USP7: variants seen among roughly 807,000 people sequenced by gnomAD.
The protein encoded by USP7 is ubiquitin C-terminal hydrolase 7.
In USP7, 9 loss-of-function variants were observed where a neutral mutation model predicts 162.9. That is an observed-to-expected ratio of 0.06 (90% confidence interval 0.03 to 0.10). USP7 has a LOEUF of 0.10. Ranked by LOEUF, USP7 falls within the 10% of genes least tolerant of loss-of-function variation. The pLI is 1.00. For missense variants in USP7, 715 were observed against 1,373.7 expected, an observed-to-expected ratio of 0.52 and a Z score of 7.58; for synonymous variants, 562 against 475.9, an observed-to-expected ratio of 1.18 and a Z score of -2.35.
At chr16:8,960,260 T>C (rs1899960087) in intron 1 of USP7, among the ~76,000 whole-genome samples, 1 of 151,948 alleles carries the variant, frequency 6.6e-6, no homozygotes, top group Admixed American at 6.6e-5. Flanking sequence ...TTACAGGGAG[T>C]GTGTGGTTGC....
chr16:8,931,198 T>A (rs1298110904), intron 1 of USP7, among the ~76,000 whole-genome samples: 3 of 151,990 alleles, frequency 2.0e-5, no homozygotes, highest in Non-Finnish European at 4.4e-5. Flanking sequence ...ATCTTTTTTT[T>A]TTTTTTCTGA....
intron 1 of USP7, among the ~76,000 whole-genome samples, chr16:8,955,993 C>A (rs182313160): frequency 2.6e-5 from 4 of 152,224 alleles, no homozygotes; most frequent in African/African-American, 9.6e-5. Flanking sequence ...TGCAGCCCCA[C>A]CCTGGGATGG....
chr16:8,902,325 G>C (rs2061787317), intron 17 of USP7, 56 bp downstream of exon 17: 5 of 1,592,666 alleles, frequency 3.1e-6, no homozygotes, highest in Non-Finnish European at 4.3e-6. Flanking sequence ...ACTAAGTGCA[G>C]AGGACTAACG....
At chr16:8,955,399 C>T (rs549668688) in intron 1 of USP7, among the ~76,000 whole-genome samples, 25 of 152,226 alleles carry the variant, frequency 1.6e-4, no homozygotes, top group African/African-American at 6.0e-4. Context: ...CATAAGCCAC[C>T]ATGCCCAGGC....
intron 1 of USP7, among the ~76,000 whole-genome samples, chr16:8,939,562 G>A (rs1357201906): frequency 6.6e-6 from 1 of 152,224 alleles, no homozygotes; most frequent in Non-Finnish European, 1.5e-5. Context: ...GCAAGCAAAT[G>A]TTAGCTAGCA....
chr16:8,901,337 AAGCTGAAT>A, intron 18 of USP7, 103 bp from the exon 19 acceptor site: 1 of 747,596 alleles, frequency 1.3e-6, no homozygotes, highest in South Asian at 1.7e-5. Flanking sequence ...AAAAAACAGT[AAGCTGAAT>A]AGCTCAATGA....
At chr16:8,921,432 T>C in intron 3 of USP7, 137 bp from the exon 4 acceptor site, 1 of 1,001,456 alleles carries the variant, frequency 1.0e-6, no homozygotes, top group South Asian at 1.8e-5. Context: ...GGGTTAAAGG[T>C]AGGATGGAGG....
chr16:8,948,790 C>T (rs928390625), intron 1 of USP7, among the ~76,000 whole-genome samples: 1 of 152,106 alleles, frequency 6.6e-6, no homozygotes, highest in East Asian at 1.9e-4. Flanking sequence ...AGCGAAACCC[C>T]GTCTCTAGAA....
chr16:8,938,395 T>C (rs938445408), intron 1 of USP7, among the ~76,000 whole-genome samples: 1 of 151,054 alleles, frequency 6.6e-6, no homozygotes, highest in Non-Finnish European at 1.5e-5. Flanking sequence ...TCCACATCTG[T>C]GGATTCAACA....
intron 1 of USP7, among the ~76,000 whole-genome samples, chr16:8,960,311 C>T (rs1899961813): frequency 6.6e-6 from 1 of 152,186 alleles, no homozygotes; most frequent in Non-Finnish European, 1.5e-5. Context: ...CTTCCCTCTC[C>T]GCACTTCACC....
chr16:8,913,396 T>A lies in USP7; in HGVS notation c.1078+1858A>T, dbSNP rs139344576. On this transcript the variant is annotated intron_variant, in intron 10 of 30. Transcript: ENST00000344836. The stretch of plus-strand genomic sequence containing the variant: ...GAGGGAAGACAGGAGAGAAGAGAAG[T>A]GAAGTGAAGCGAAGCGAAGAATATG... 1.2e-3 allele frequency among the ~76,000 whole-genome samples: 183 copies of A among 151,694 alleles called. 6 individuals carry two copies. In the South Asian group the frequency reaches 0.024, roughly 20 times the overall value.
chr16:8,920,409 G>A lies in USP7; in HGVS notation c.561C>T (p.Asp187=), dbSNP rs1163850222. 1 of 1,613,620 alleles carries A rather than the reference G, an allele frequency of 6.2e-7. No individual in the cohort carries two copies. The highest frequency in any genetic ancestry group is 1.7e-5 in the Admixed American group (1 of 59,886). Reference sequence around the variant, plus strand: ...GTACAAAGACTTCAAAGGTAACTTTGTCATCATCTATAAATCCTTTCTCAG... The same window carrying A: ...GTACAAAGACTTCAAAGGTAACTTTATCATCATCTATAAATCCTTTCTCAG... The part of the protein sequence containing the change: ...TDPEKGFIDD[D]KVTFEVFVQA... The change falls in exon 5 of 31, where the codon GAC becomes GAT. Residue 187 remains aspartate, a synonymous_variant. Coordinates refer to ENST00000344836, the MANE Select transcript of USP7 (RefSeq NM_003470.3).
At chr16:8,931,307 G>A (rs944343710) in intron 1 of USP7, among the ~76,000 whole-genome samples, 1 of 151,700 alleles carries the variant, frequency 6.6e-6, no homozygotes, top group Non-Finnish European at 1.5e-5. Context: ...TCCTGCCTCA[G>A]CCTCCTGAGT....
At chr16:8,895,197 G>A (rs1439049687) in intron 27 of USP7, 47 bp from the exon 28 acceptor site, 1 of 1,613,074 alleles carries the variant, frequency 6.2e-7, no homozygotes, top group East Asian at 2.2e-5. Flanking sequence ...CAAGTGATGT[G>A]GTCAAAGTGT....
chr16:8,952,939 C>A (rs1389974679), intron 1 of USP7, among the ~76,000 whole-genome samples: 1 of 151,998 alleles, frequency 6.6e-6, no homozygotes, highest in East Asian at 1.9e-4. Flanking sequence ...TGGGTTCAAG[C>A]GATTCTCCTG....
intron 2 of USP7, among the ~76,000 whole-genome samples, chr16:8,923,819 G>C (rs149180632): frequency 6.6e-6 from 1 of 152,306 alleles, no homozygotes; most frequent in East Asian, 1.9e-4. Context: ...CATGGGACTT[G>C]GGCTGACTTT....
intron 1 of USP7, among the ~76,000 whole-genome samples, chr16:8,930,901 G>A (rs1244412528): frequency 5.3e-5 from 8 of 151,910 alleles, no homozygotes; most frequent in African/African-American, 4.8e-5. Flanking sequence ...CTCAGGAGGC[G>A]GAGGCTGCAG....
intron 1 of USP7, among the ~76,000 whole-genome samples, chr16:8,945,506 A>C (rs569195756): frequency 7.8e-4 from 119 of 152,172 alleles, no homozygotes; most frequent in Non-Finnish European, 8.8e-4. Context: ...AAACCAACAG[A>C]CACCTTGAAC....
chr16:8,928,159 CTT>C (rs1265679047), intron 2 of USP7, among the ~76,000 whole-genome samples: 4 of 152,358 alleles, frequency 2.6e-5, no homozygotes, highest in Admixed American at 1.3e-4. Context: ...TCTCCCATCT[CTT>C]TGTCTCATTA....
Sources: allele counts gnomAD v4.1 joint callset (sites outside exome capture counted in the v4.1 genomes callset), GRCh38; gene constraint gnomAD v4.1.1; transcripts MANE v1.5; gene names NCBI Gene and HGNC (gene_info 2026-07-23, HGNC 2026-07-21).